The following SH3RF1 variants were observed in gnomAD, a reference collection of about 807,000 sequenced individuals.
The protein encoded by SH3RF1 is E3 ubiquitin-protein ligase SH3RF1.
SH3RF1 carries 32 observed loss-of-function variants against 74.0 expected under a neutral mutation model. The observed-to-expected ratio is 0.43, with a 90% CI of 0.33 to 0.58. The LOEUF is 0.58. SH3RF1 is among the 20% of genes least tolerant of loss of function. The pLI is 0.05. For missense variants in SH3RF1, 954 were observed against 1,130.9 expected, an observed-to-expected ratio of 0.84 and a Z score of 2.24; for synonymous variants, 396 against 439.6, an observed-to-expected ratio of 0.90 and a Z score of 1.24.
At chr4:169,126,382 C>T (rs144915817) in intron 6 of SH3RF1, among the ~76,000 whole-genome samples, 1 of 152,284 alleles carries the variant, frequency 6.6e-6, no homozygotes, top group East Asian at 1.9e-4. Flanking sequence ...TTTTAGATCT[C>T]CTGCCAATTC....
intron 4 of SH3RF1, among the ~76,000 whole-genome samples, chr4:169,152,268 G>C (rs1224076811): frequency 6.6e-6 from 1 of 152,100 alleles, no homozygotes; most frequent in Non-Finnish European, 1.5e-5. Context: ...TGTGATCAAA[G>C]CAAGAGAACC....
intron 4 of SH3RF1, among the ~76,000 whole-genome samples, chr4:169,146,603 A>T (rs1274230199): frequency 6.6e-6 from 1 of 152,188 alleles, no homozygotes; most frequent in Non-Finnish European, 1.5e-5. Context: ...AGCTAAGAAA[A>T]GTCAGTTCGT....
At chr4:169,175,708 T>C (rs534073609) in intron 2 of SH3RF1, among the ~76,000 whole-genome samples, 2 of 152,204 alleles carry the variant, frequency 1.3e-5, no homozygotes, top group Admixed American at 1.3e-4. Context: ...CCAAAACCAC[T>C]AGACCATAAG....
chr4:169,203,016 G>T (rs1176406973), intron 2 of SH3RF1, among the ~76,000 whole-genome samples: 1 of 152,114 alleles, frequency 6.6e-6, no homozygotes, highest in Non-Finnish European at 1.5e-5. Context: ...GAGAAAAAAA[G>T]GTCTATGGTA....
intron 2 of SH3RF1, among the ~76,000 whole-genome samples, chr4:169,164,702 C>A (rs1309178816): frequency 6.6e-6 from 1 of 152,180 alleles, no homozygotes; most frequent in Non-Finnish European, 1.5e-5. Flanking sequence ...AAAACATAGT[C>A]CGTTCTGGAA....
chr4:169,152,600 G>T (rs1451702823), intron 4 of SH3RF1, among the ~76,000 whole-genome samples: 1 of 152,108 alleles, frequency 6.6e-6, no homozygotes, highest in Non-Finnish European at 1.5e-5. Context: ...AGCCGGACGT[G>T]GTGGTGCATG....
At chr4:169,142,968 CA>C (rs1156790507) in intron 4 of SH3RF1, among the ~76,000 whole-genome samples, 2 of 152,126 alleles carry the variant, frequency 1.3e-5, no homozygotes, top group East Asian at 3.9e-4. Flanking sequence ...ATTTATAATG[CA>C]AGACTTACCC....
intron 9 of SH3RF1, among the ~76,000 whole-genome samples, chr4:169,116,994 T>C (rs1205175236): frequency 6.6e-6 from 1 of 152,212 alleles, no homozygotes; most frequent in Non-Finnish European, 1.5e-5. Flanking sequence ...ATTCATTCCC[T>C]TTTCTTATGA....
At chr4:169,183,277 G>A (rs992768562) in intron 2 of SH3RF1, among the ~76,000 whole-genome samples, 2 of 152,174 alleles carry the variant, frequency 1.3e-5, no homozygotes, top group South Asian at 2.1e-4. Context: ...TCTAGCCTGG[G>A]CAACAGAGCA....
intron 11 of SH3RF1, among the ~76,000 whole-genome samples, chr4:169,102,915 C>CTTTTTTTTTTT (rs66574732): frequency 3.0e-5 from 2 of 66,884 alleles, no homozygotes; most frequent in African/African-American, 6.6e-5. Flanking sequence ...CAGTCACATT[C>CTTTTTTTTTTT]TTTTTTTTTT....
At chr4:169,131,131 G>A (rs1330765331) in intron 5 of SH3RF1, among the ~76,000 whole-genome samples, 1 of 152,180 alleles carries the variant, frequency 6.6e-6, no homozygotes, top group Non-Finnish European at 1.5e-5. Context: ...GTTCCCAGAG[G>A]ACCTAATGGA....
At chr4:169,266,248 T>C (rs1731352834) in intron 2 of SH3RF1, among the ~76,000 whole-genome samples, 1 of 152,176 alleles carries the variant, frequency 6.6e-6, no homozygotes, top group South Asian at 2.1e-4. Context: ...GGCCACATGG[T>C]CACAGCCTAA....
chr4:169,164,746 G>A (rs918912205), intron 2 of SH3RF1, among the ~76,000 whole-genome samples: 2 of 152,148 alleles, frequency 1.3e-5, no homozygotes, highest in Admixed American at 1.3e-4. Flanking sequence ...TAAGCAAATG[G>A]CTGGCATTTG....
chr4:169,260,660 G>C (rs1731262748), intron 2 of SH3RF1, among the ~76,000 whole-genome samples: 1 of 152,072 alleles, frequency 6.6e-6, no homozygotes, highest in African/African-American at 2.4e-5. Flanking sequence ...AGCAGTAACA[G>C]AATAATTTCT....
chr4:169,101,884 G>T (rs1039064417), intron 11 of SH3RF1, among the ~76,000 whole-genome samples: 2 of 152,118 alleles, frequency 1.3e-5, no homozygotes, highest in African/African-American at 4.8e-5. Context: ...TACAATTCAA[G>T]AAACAGAGTC....
At chr4:169,106,207 G>A in intron 11 of SH3RF1, among the ~76,000 whole-genome samples, 1 of 151,726 alleles carries the variant, frequency 6.6e-6, no homozygotes. Flanking sequence ...CTGCCTCCTG[G>A]GTTCAAGCGA....
chr4:169,096,972 T>TTGGCC (rs1418803662), intron 11 of SH3RF1, among the ~76,000 whole-genome samples: 3 of 152,242 alleles, frequency 2.0e-5, no homozygotes, highest in African/African-American at 7.2e-5. Context: ...TGTTTGTATC[T>TTGGCC]TGGCCATAAA....
intron 2 of SH3RF1, among the ~76,000 whole-genome samples, chr4:169,205,846 G>A (rs1217140004): frequency 1.3e-5 from 2 of 152,140 alleles, no homozygotes; most frequent in Non-Finnish European, 2.9e-5. Context: ...ATCCTGACTT[G>A]AGAAAACAAA....
intron 11 of SH3RF1, among the ~76,000 whole-genome samples, chr4:169,106,448 T>C (rs9997176): frequency 0.097 from 14,550 of 150,738 alleles, 1,131 homozygotes; most frequent in African/African-American, 0.22. Flanking sequence ...GCTTCACAAC[T>C]AGCAGGAAAC....
Sources: allele counts gnomAD v4.1 joint callset (sites outside exome capture counted in the v4.1 genomes callset), GRCh38; gene constraint gnomAD v4.1.1; transcripts MANE v1.5; gene names NCBI Gene and HGNC (gene_info 2026-07-23, HGNC 2026-07-21).